Variants in DGLUCY observed in about 807,000 individuals in gnomAD.
The protein encoded by DGLUCY is D-glutamate cyclase, also known as D-glutamate cyclase, mitochondrial.
A neutral mutation model predicts 58.5 loss-of-function variants in DGLUCY; 58 were observed. The observed-to-expected ratio is 0.99, with a 90% CI of 0.80 to 1.23. DGLUCY has a LOEUF of 1.23. Among genes scored for constraint, DGLUCY ranks in the 50% most tolerant of loss-of-function variants. DGLUCY has a pLI of 0.00. For synonymous variants in DGLUCY, 325 were observed against 314.1 expected (o/e 1.03, Z -0.37); for missense variants, 779 against 784.7 (o/e 0.99, Z 0.09).
At position 91,199,887 on chromosome 14, in the gene DGLUCY, C is replaced by A. The variant is rs981807648; in HGVS notation, c.1426C>A (p.Pro476Thr). 33 of 1,614,018 alleles carry A rather than the reference C, an allele frequency of 2.0e-5. No homozygotes were observed. Among genetic ancestry groups the A allele is most frequent in the Non-Finnish European group, 2.5e-5 (29 of 1,180,034 alleles). ...TCTTTTTCTTGCTGCGAAGAAGATT[C>A]CTGGAATCTCATCAACTGGTAAGTA... ...DDLFLAAKKIPGISSTGVGDG... is the reference protein window; with the variant it reads ...DDLFLAAKKITGISSTGVGDG... Residue 476 changes from proline (P) to threonine (T), a missense_variant, in exon 11 of 14, where the codon CCT becomes ACT. Transcript: ENST00000256324.
chr14:91,068,768 A>G (rs766438721), intron 1 of DGLUCY, among the ~76,000 whole-genome samples: 69 of 152,230 alleles, frequency 4.5e-4, no homozygotes, highest in Non-Finnish European at 7.9e-4. Context: ...AAGCAAAAAC[A>G]TAGAAAAGGT....
At chr14:91,184,577 TGGGGGGGGG>T in intron 8 of DGLUCY, among the ~76,000 whole-genome samples, 1 of 23,308 alleles carries the variant, frequency 4.3e-5, no homozygotes, top group African/African-American at 1.7e-4. Flanking sequence ...GAAAGAAAGT[TGGGGGGGGG>T]GAGGGAGGGA....
chr14:91,110,006 T>TAGC (rs2044666027), upstream of DGLUCY, among the ~76,000 whole-genome samples: 1 of 152,270 alleles, frequency 6.6e-6, no homozygotes, highest in Non-Finnish European at 1.5e-5. Flanking sequence ...ATAGCTACGA[T>TAGC]TACTTGGCAT....
At chr14:91,215,639 C>T (rs767857583) in intron 13 of DGLUCY, 83 bp downstream of exon 13, 276 of 1,605,214 alleles carry the variant, frequency 1.7e-4, no homozygotes, top group African/African-American at 2.1e-4. Context: ...AGCCGTAAGC[C>T]GAGGGCTGGC....
At chr14:91,155,503 A>G (rs2140319335) in intron 1 of DGLUCY, among the ~76,000 whole-genome samples, 1 of 152,322 alleles carries the variant, frequency 6.6e-6, no homozygotes, top group East Asian at 1.9e-4. Context: ...TAGAGAGTTG[A>G]CTGATGGCCA....
At chr14:91,140,179 C>T (rs2046575025) in intron 1 of DGLUCY, among the ~76,000 whole-genome samples, 1 of 152,176 alleles carries the variant, frequency 6.6e-6, no homozygotes, top group East Asian at 1.9e-4. Flanking sequence ...CTTCACAATA[C>T]TGTTGTTTCT....
At chr14:91,123,879 GT>G (rs1196427895) in intron 1 of DGLUCY, among the ~76,000 whole-genome samples, 1 of 147,652 alleles carries the variant, frequency 6.8e-6, no homozygotes, top group African/African-American at 2.5e-5. Context: ...CATCCAGCCT[GT>G]TTTTTTCAAT....
rs117650543 is a variant in DGLUCY, at chr14:91,150,949, G to A, written c.-81-6690G>A. On this transcript the variant is annotated intron_variant, in intron 1 of 13. Transcript: ENST00000256324. The stretch of plus-strand genomic sequence containing the variant: ...AACTGAAACTCTCTGCCCATTACAC[G>A]GTAACTCCCCATTCCCCACCCCATC... 7.0e-4 allele frequency among the ~76,000 whole-genome samples: 107 copies of A among 152,094 alleles called. No individual in the cohort carries two copies. In the East Asian group the frequency reaches 0.013, roughly 18 times the overall value.
chr14:91,176,136 G>A lies in DGLUCY; in HGVS notation c.730+80G>A, dbSNP rs565144675. 31 of 1,489,280 alleles carry A rather than the reference G, an allele frequency of 2.1e-5. No homozygotes were observed. In the East Asian group the frequency reaches 2.4e-4, roughly 12 times the overall value. The allele number at this position is 1,489,280 out of a possible 1,614,324, so 92.3% of individuals were successfully genotyped here. On this transcript the variant is annotated intron_variant, in intron 7 of 13. Transcript: ENST00000256324. Reference sequence around the variant, plus strand: ...GTCTAGTTCTTGAAAGCATATTCTCGTAGTACAATGATTTAAAAATAAAGC... The same window carrying A: ...GTCTAGTTCTTGAAAGCATATTCTCATAGTACAATGATTTAAAAATAAAGC...
intron 1 of DGLUCY, among the ~76,000 whole-genome samples, chr14:91,139,119 G>A (rs1047498782): frequency 4.6e-5 from 7 of 152,136 alleles, no homozygotes; most frequent in African/African-American, 1.7e-4. Context: ...TCTGCCATCT[G>A]CAAGCTGGAG....
intron 12 of DGLUCY, among the ~76,000 whole-genome samples, chr14:91,214,017 T>C (rs531289374): frequency 8.8e-6 from 1 of 113,426 alleles, no homozygotes; most frequent in African/African-American, 3.7e-5. Flanking sequence ...TTTTTGTTTG[T>C]TATTTTTTTT....
intron 1 of DGLUCY, among the ~76,000 whole-genome samples, chr14:91,071,866 CAA>C (rs921798938): frequency 1.5e-4 from 16 of 108,268 alleles, no homozygotes; most frequent in East Asian, 5.4e-4. Flanking sequence ...GACTCCATCT[CAA>C]AAAAAAAAAA....
chr14:91,186,886 G>A (rs1002262953), intron 8 of DGLUCY, among the ~76,000 whole-genome samples: 1 of 126,456 alleles, frequency 7.9e-6, no homozygotes, highest in Admixed American at 7.4e-5. Context: ...AGAGGTCAAA[G>A]GATGAGGCCA....
At chr14:91,216,722 G>A (rs1318770403) in intron 13 of DGLUCY, among the ~76,000 whole-genome samples, 2 of 151,808 alleles carry the variant, frequency 1.3e-5, no homozygotes, top group Admixed American at 6.6e-5. Flanking sequence ...CTTTCTCCCT[G>A]AGGACTCTCC....
At chr14:91,141,399 G>T (rs1224486346) in intron 1 of DGLUCY, among the ~76,000 whole-genome samples, 1 of 151,576 alleles carries the variant, frequency 6.6e-6, no homozygotes, top group East Asian at 1.9e-4. Flanking sequence ...AGGAAAAAAA[G>T]GAGTTATCGT....
intron 4 of DGLUCY, among the ~76,000 whole-genome samples, chr14:91,169,496 A>C (rs112127684): frequency 0.017 from 2,496 of 147,672 alleles, 64 homozygotes; most frequent in African/African-American, 0.058. Context: ...TACAACCTCC[A>C]CCTCCCAGGT....
upstream of DGLUCY, among the ~76,000 whole-genome samples, chr14:91,107,713 C>A (rs1488952909): frequency 6.6e-6 from 1 of 151,554 alleles, no homozygotes; most frequent in East Asian, 1.9e-4. Context: ...GCTTAGATTC[C>A]AGAGCAGGGA....
At chr14:91,082,896 G>C (rs773395593) in intron 1 of DGLUCY, among the ~76,000 whole-genome samples, 1 of 152,186 alleles carries the variant, frequency 6.6e-6, no homozygotes, top group Non-Finnish European at 1.5e-5. Flanking sequence ...TGGGATTACA[G>C]TCATGCGCAA....
At chr14:91,103,453 G>A (rs1018403493), upstream of DGLUCY, among the ~76,000 whole-genome samples, 2 of 152,074 alleles carry the variant, frequency 1.3e-5, no homozygotes, top group Non-Finnish European at 2.9e-5. Flanking sequence ...CGCAGGCTTG[G>A]CTGGGAAAAT....
Sources: allele counts gnomAD v4.1 joint callset (sites outside exome capture counted in the v4.1 genomes callset), GRCh38; gene constraint gnomAD v4.1.1; transcripts MANE v1.5; gene names NCBI Gene and HGNC (gene_info 2026-07-23, HGNC 2026-07-21).